The following REDIC1 variants were observed in gnomAD, a reference collection of about 807,000 sequenced individuals.
REDIC1 encodes HEI10 Interacting Protein 1.
chr12:39,850,003 T>G, the REDIC1 span, among the ~76,000 whole-genome samples: 1 of 152,166 alleles, frequency 6.6e-6, no homozygotes, highest in South Asian at 2.1e-4. Context: ...TCTTTCCTCA[T>G]TTTTCTTGAA....
At chr12:39,763,198 A>T in the REDIC1 span, among the ~76,000 whole-genome samples, 5 of 152,048 alleles carry the variant, frequency 3.3e-5, no homozygotes, top group Non-Finnish European at 5.9e-5. Flanking sequence ...TGAATATACT[A>T]AATATATATC....
chr12:39,843,873 T>A, the REDIC1 span, among the ~76,000 whole-genome samples: 3 of 152,076 alleles, frequency 2.0e-5, no homozygotes, highest in Non-Finnish European at 4.4e-5. Context: ...TTCTATATCA[T>A]CCTGGTTCTG....
chr12:39,627,868 T>C, the REDIC1 span, among the ~76,000 whole-genome samples: 4 of 152,096 alleles, frequency 2.6e-5, no homozygotes, highest in African/African-American at 9.7e-5. Context: ...GGGTGGGGAT[T>C]TTACAAAAAA....
the REDIC1 span, among the ~76,000 whole-genome samples, chr12:39,902,085 C>G: frequency 0.038 from 5,681 of 150,854 alleles, 397 homozygotes; most frequent in East Asian, 0.34. Flanking sequence ...AGCAAAGTAT[C>G]GCAAGGACAA....
chr12:39,699,283 C>A, the REDIC1 span, among the ~76,000 whole-genome samples: 5 of 152,168 alleles, frequency 3.3e-5, no homozygotes, highest in African/African-American at 9.7e-5. Flanking sequence ...CATTGCCTCA[C>A]TCGGGAAGCG....
the REDIC1 span, among the ~76,000 whole-genome samples, chr12:39,685,110 C>A: frequency 6.6e-6 from 1 of 152,120 alleles, no homozygotes; most frequent in Admixed American, 6.6e-5. Flanking sequence ...GAAATAAAAA[C>A]ACGTTTTCAG....
the REDIC1 span, among the ~76,000 whole-genome samples, chr12:39,885,334 A>T: frequency 6.6e-6 from 1 of 152,202 alleles, no homozygotes; most frequent in Non-Finnish European, 1.5e-5. Flanking sequence ...AACAGAGAGT[A>T]GGTGAAACAG....
the REDIC1 span, among the ~76,000 whole-genome samples, chr12:39,779,755 C>G: frequency 6.6e-6 from 1 of 152,202 alleles, no homozygotes; most frequent in Non-Finnish European, 1.5e-5. Flanking sequence ...AGACACATTT[C>G]TTTACCATAA....
chr12:39,829,829 T>C, the REDIC1 span: 1 of 397,346 alleles, frequency 2.5e-6, no homozygotes, highest in South Asian at 3.1e-5. Context: ...TGGCAGTATT[T>C]GTGAATAGCT....
At chr12:39,833,513 T>C in the REDIC1 span, among the ~76,000 whole-genome samples, 1 of 152,032 alleles carries the variant, frequency 6.6e-6, no homozygotes, top group African/African-American at 2.4e-5. Context: ...AGATCCTCAA[T>C]GTCTTCATAT....
At chr12:39,708,666 T>C in the REDIC1 span, among the ~76,000 whole-genome samples, 1 of 151,766 alleles carries the variant, frequency 6.6e-6, no homozygotes, top group Non-Finnish European at 1.5e-5. Context: ...TGATATTACC[T>C]TTTTTATATA....
the REDIC1 span, chr12:39,643,976 C>G: frequency 2.4e-6 from 3 of 1,273,206 alleles, no homozygotes; most frequent in Non-Finnish European, 3.2e-6. Flanking sequence ...AATGTTTAGT[C>G]TTCTAATTAG....
the REDIC1 span, chr12:39,864,748 T>C: frequency 6.2e-7 from 1 of 1,611,822 alleles, no homozygotes; most frequent in Non-Finnish European, 8.5e-7. Context: ...AAGAAGAACA[T>C]AATGGAATCT....
the REDIC1 span, among the ~76,000 whole-genome samples, chr12:39,890,046 G>A: frequency 6.6e-6 from 1 of 151,952 alleles, no homozygotes; most frequent in Non-Finnish European, 1.5e-5. Flanking sequence ...ACTACATTGG[G>A]TAGAAACCCG....
chr12:39,710,934 G>T, the REDIC1 span, among the ~76,000 whole-genome samples: 714 of 151,124 alleles, frequency 4.7e-3, 4 homozygotes, highest in Non-Finnish European at 8.2e-3. Context: ...GGTAAAGGTG[G>T]TATTTCCTCA....
the REDIC1 span, among the ~76,000 whole-genome samples, chr12:39,898,769 C>G: frequency 6.6e-6 from 1 of 152,138 alleles, no homozygotes. Flanking sequence ...CTACTTACAT[C>G]TCTCTCAATT....
the REDIC1 span, among the ~76,000 whole-genome samples, chr12:39,664,245 G>A: frequency 8.0e-6 from 1 of 125,232 alleles, no homozygotes; most frequent in African/African-American, 3.1e-5. Context: ...CCCACAACAG[G>A]CCCTGGTGTG....
At chr12:39,813,067 A>G in the REDIC1 span, among the ~76,000 whole-genome samples, 1 of 111,858 alleles carries the variant, frequency 8.9e-6, no homozygotes, top group South Asian at 3.0e-4. Flanking sequence ...CTGGTCTCAA[A>G]CTCCTGGCCT....
chr12:39,773,293 A>G, the REDIC1 span, among the ~76,000 whole-genome samples: 1 of 152,174 alleles, frequency 6.6e-6, no homozygotes, highest in Admixed American at 6.5e-5. Flanking sequence ...AATATGTCTC[A>G]TTTTGGCTGA....
Sources: allele counts gnomAD v4.1 joint callset (sites outside exome capture counted in the v4.1 genomes callset), GRCh38; gene constraint gnomAD v4.1.1; transcripts MANE v1.5; gene names NCBI Gene and HGNC (gene_info 2026-07-23, HGNC 2026-07-21).